CRB1: variants seen among roughly 807,000 people sequenced by gnomAD.
CRB1 encodes the protein protein crumbs homolog 1.
A neutral mutation model predicts 120.0 loss-of-function variants in CRB1; 83 were observed. The ratio of observed to expected loss-of-function variants is 0.69; its 90% CI spans 0.58 to 0.83. CRB1 has a LOEUF of 0.83. CRB1 is among the 40% of genes least tolerant of loss of function. The pLI is 0.00. For synonymous variants in CRB1, 625 were observed against 612.5 expected, an observed-to-expected ratio of 1.02 and a Z score of -0.30; for missense variants, 1,699 against 1,687.6, an observed-to-expected ratio of 1.01 and a Z score of -0.12.
the CRB1 span, among the ~76,000 whole-genome samples, chr1:197,252,582 A>ATATATATGTG: frequency 2.5e-3 from 39 of 15,470 alleles, no homozygotes; most frequent in Admixed American, 9.2e-3. Flanking sequence ...ATATATATAT[A>ATATATATGTG]TGTGTGTGTG....
intron 5 of CRB1, among the ~76,000 whole-genome samples, chr1:197,409,894 C>G (rs903698248): frequency 3.3e-5 from 5 of 152,190 alleles, no homozygotes; most frequent in African/African-American, 1.2e-4. Flanking sequence ...TGCCACACAC[C>G]TGCCTCAGCC....
In CRB1 at chr1:197,427,499, T is replaced by C. The variant is rs1664645800; in HGVS notation, c.2174T>C (p.Val725Ala). 6.2e-7 allele frequency: 1 copy of C among 1,613,972 alleles called. No homozygotes were observed. The highest frequency in any genetic ancestry group is 8.5e-7 in the Non-Finnish European group (1 of 1,179,958). The change falls in exon 7 of 12, where the codon GTC (valine) becomes GCC (alanine). Residue 725 changes from valine (V) to alanine (A), a missense_variant. Coordinates refer to ENST00000367400, the MANE Select transcript of CRB1 (RefSeq NM_201253.3). ...GGCCAGGATGACTCCACTGGTTATGTCATCTTTACTCTTGATGAGAGCTAT... is the reference window on the plus strand; with the variant it reads ...GGCCAGGATGACTCCACTGGTTATGCCATCTTTACTCTTGATGAGAGCTAT... Reference protein sequence around the residue: ...RFGQDDSTGYVIFTLDESYGD... With the variant: ...RFGQDDSTGYAIFTLDESYGD...
At chr1:197,390,005 G>T (rs1027254809) in intron 5 of CRB1, among the ~76,000 whole-genome samples, 1 of 152,064 alleles carries the variant, frequency 6.6e-6, no homozygotes, top group Non-Finnish European at 1.5e-5. Flanking sequence ...AAAAACAACT[G>T]TGAACTTCCT....
At chr1:197,243,306 T>C in the CRB1 span, among the ~76,000 whole-genome samples, 1 of 152,192 alleles carries the variant, frequency 6.6e-6, no homozygotes, top group Non-Finnish European at 1.5e-5. Context: ...CTTTCTCCTA[T>C]GGGCATTTAA....
chr1:197,386,234 T>A (rs1405756849), intron 5 of CRB1, among the ~76,000 whole-genome samples: 1 of 152,104 alleles, frequency 6.6e-6, no homozygotes, highest in Non-Finnish European at 1.5e-5. Context: ...TCTGTGCTAA[T>A]AATGGATCTA....
At chr1:197,208,744 G>T in the CRB1 span, among the ~76,000 whole-genome samples, 1,193 of 152,298 alleles carry the variant, frequency 7.8e-3, 14 homozygotes, top group African/African-American at 0.024. Flanking sequence ...GTGTGGGAAG[G>T]ATACAAACTT....
Position 197,421,216 on chromosome 1 carries a change from G to A in CRB1, c.1388G>A (p.Gly463Asp), listed in dbSNP as rs1406376965. Residue 463 changes from glycine (G) to aspartate (D), a missense_variant, in exon 6 of 12, where the codon GGC (glycine) becomes GAC (aspartate). Coordinates refer to ENST00000367400, the MANE Select transcript of CRB1 (RefSeq NM_201253.3). ...ACATGCATCCCTCACTTCCAAGATGGCCAGCATGGATTCAGCTGCCTATGT... is the reference window on the plus strand; with the variant it reads ...ACATGCATCCCTCACTTCCAAGATGACCAGCATGGATTCAGCTGCCTATGT... ...NGTCIPHFQD[G>D]QHGFSCLCPS... 1 of 1,614,160 alleles carries A rather than the reference G, an allele frequency of 6.2e-7. No individual in the cohort carries two copies. The highest frequency in any genetic ancestry group is 2.2e-5 in the East Asian group (1 of 44,878).
intron 9 of CRB1, among the ~76,000 whole-genome samples, chr1:197,436,606 T>G (rs950294924): frequency 1.3e-5 from 2 of 152,170 alleles, no homozygotes; most frequent in African/African-American, 2.4e-5. Context: ...TATACGTATA[T>G]ATACAAACAA....
At chr1:197,283,379 A>G (rs1474155182) in intron 1 of CRB1, among the ~76,000 whole-genome samples, 1 of 151,608 alleles carries the variant, frequency 6.6e-6, no homozygotes, top group Non-Finnish European at 1.5e-5. Flanking sequence ...GTAGTCTGTT[A>G]TCCCGCATCC....
At chr1:197,433,617 T>C (rs925565218) in intron 8 of CRB1, among the ~76,000 whole-genome samples, 5 of 152,166 alleles carry the variant, frequency 3.3e-5, no homozygotes, top group South Asian at 2.1e-4. Context: ...AGCAGCAGGA[T>C]TGGGGGATGT....
intron 1 of CRB1, among the ~76,000 whole-genome samples, chr1:197,327,373 C>T (rs991049324): frequency 2.0e-5 from 3 of 152,178 alleles, no homozygotes; most frequent in Non-Finnish European, 4.4e-5. Context: ...GGAATAAATA[C>T]TACTTACAAT....
chr1:197,316,495 T>C (rs1430075611), intron 1 of CRB1, among the ~76,000 whole-genome samples: 2 of 152,244 alleles, frequency 1.3e-5, no homozygotes, highest in African/African-American at 4.8e-5. Flanking sequence ...GATTTTTATA[T>C]GTGTCTGTTG....
chr1:197,226,318 T>C, the CRB1 span, among the ~76,000 whole-genome samples: 1 of 152,252 alleles, frequency 6.6e-6, no homozygotes, highest in Non-Finnish European at 1.5e-5. Context: ...TCATAATTTT[T>C]TAAAGATCAT....
At chr1:197,303,920 C>T (rs141197146) in intron 1 of CRB1, among the ~76,000 whole-genome samples, 1 of 151,894 alleles carries the variant, frequency 6.6e-6, no homozygotes, top group African/African-American at 2.4e-5. Context: ...CCCAGGAGTT[C>T]GAGGTTGTAA....
intron 5 of CRB1, among the ~76,000 whole-genome samples, chr1:197,365,992 G>A (rs1454628917): frequency 6.6e-6 from 1 of 151,992 alleles, no homozygotes. Context: ...CAGTCTAAAA[G>A]TCCCTATGTA....
At chr1:197,450,663 G>C (rs966129800) in intron 11 of CRB1, among the ~76,000 whole-genome samples, 1 of 151,462 alleles carries the variant, frequency 6.6e-6, no homozygotes. Flanking sequence ...AGCATAGGCC[G>C]GGCGCGGTGG....
rs758206366 is a variant in CRB1, at chr1:197,421,437, C to T, written c.1609C>T (p.Leu537=). The T allele has an allele frequency of 1.9e-6, 3 of 1,614,230 alleles. No individual in the cohort carries two copies. The highest frequency in any genetic ancestry group is 3.3e-5 in the Admixed American group (2 of 60,028). Residue 537 remains leucine, a synonymous_variant, in exon 6 of 12, where the codon CTG becomes TTG. Transcript: ENST00000367400. The part of the protein sequence containing the change: ...SNRDVFVKLE[L]LSGYIHLSIQ... ...CAGGGATGTGTTTGTGAAGCTGGAG[C>T]TGCTAAGTGGCTACATTCACTTATC...
At chr1:197,408,790 T>G (rs1663547960) in intron 5 of CRB1, among the ~76,000 whole-genome samples, 2 of 152,190 alleles carry the variant, frequency 1.3e-5, no homozygotes, top group Non-Finnish European at 2.9e-5. Flanking sequence ...ATTAGGATAG[T>G]TCTGGTTGAA....
chr1:197,362,278 A>G (rs556493117), intron 5 of CRB1, among the ~76,000 whole-genome samples: 1 of 152,104 alleles, frequency 6.6e-6, no homozygotes, highest in Non-Finnish European at 1.5e-5. Context: ...GATACAATCT[A>G]TCTTGGTAAA....
Sources: allele counts gnomAD v4.1 joint callset (sites outside exome capture counted in the v4.1 genomes callset), GRCh38; gene constraint gnomAD v4.1.1; transcripts MANE v1.5; gene names NCBI Gene and HGNC (gene_info 2026-07-23, HGNC 2026-07-21).